Variants in EXOG observed in about 807,000 individuals in gnomAD.
The protein encoded by EXOG is exo/endonuclease G, also known as nuclease EXOG, mitochondrial.
In EXOG, 27 loss-of-function variants were observed where a neutral mutation model predicts 25.8. That is an observed-to-expected ratio of 1.05 (90% CI 0.77 to 1.45). EXOG has a LOEUF of 1.45. EXOG is among the 40% of genes most tolerant of loss of function. The pLI is 0.00. For synonymous variants in EXOG, 133 were observed against 167.0 expected (o/e 0.80, Z 1.57); for missense variants, 458 against 450.5 (o/e 1.02, Z -0.15).
Position 38,523,898 on chromosome 3 carries a change from T to C in EXOG, c.646-3T>C. ...ATCACTAATATGGCTGCTTTGTTTT[T>C]AGGTGATTGGCGAGGACAACGTGGC... On this transcript the variant is annotated splice_region_variant and splice_polypyrimidine_tract_variant and intron_variant, in intron 5 of 5. Coordinates refer to ENST00000287675, the MANE Select transcript of EXOG (RefSeq NM_005107.4). 6.6e-7 allele frequency: 1 copy of C among 1,523,958 alleles called. No homozygotes were observed. The highest frequency in any genetic ancestry group is 8.8e-7 in the Non-Finnish European group (1 of 1,137,044). 94.4% of individuals were successfully genotyped at this position (1,523,958 alleles called of 1,614,324 possible).
At chr3:38,504,513 A>G (rs938140585) in intron 4 of EXOG, among the ~76,000 whole-genome samples, 1 of 151,946 alleles carries the variant, frequency 6.6e-6, no homozygotes, top group Non-Finnish European at 1.5e-5. Context: ...TCGGCTCACT[A>G]CAACCTCCGC....
chr3:38,503,786 G>T, intron 4 of EXOG, 95 bp downstream of exon 4: 1 of 749,140 alleles, frequency 1.3e-6, no homozygotes, highest in East Asian at 2.6e-5. Context: ...TTCTGTCTTT[G>T]TTTTTCAAAA....
chr3:38,497,141 C>T, intron 1 of EXOG: 1 of 1,002,360 alleles, frequency 1.0e-6, no homozygotes, highest in Non-Finnish European at 1.2e-6. Context: ...ATTTAACTTG[C>T]TCCTTTGGAT....
chr3:38,498,789 A>G (rs1377488728), intron 2 of EXOG: 3 of 375,206 alleles, frequency 8.0e-6, no homozygotes, highest in Non-Finnish European at 1.6e-5. Flanking sequence ...GTGCCAGTAG[A>G]TGAATGAGGG....
At chr3:38,507,085 A>G (rs970183071) in intron 5 of EXOG, 117 bp downstream of exon 5, 2 of 510,616 alleles carry the variant, frequency 3.9e-6, no homozygotes, top group Non-Finnish European at 7.0e-6. Flanking sequence ...TCTACTTTTT[A>G]ATTTCACTTA....
chr3:38,516,820 T>G (rs2060559455), intron 5 of EXOG, among the ~76,000 whole-genome samples: 1 of 152,218 alleles, frequency 6.6e-6, no homozygotes, highest in African/African-American at 2.4e-5. Flanking sequence ...TATTTTTGAA[T>G]AGTACGGGCC....
chr3:38,499,823 G>C, intron 2 of EXOG: 2 of 373,836 alleles, frequency 5.3e-6, no homozygotes, highest in East Asian at 1.5e-4. Flanking sequence ...CAGCAGCATA[G>C]TGGCGAATTG....
rs2125809211 is a variant in EXOG, at chr3:38,524,173, G to A, written c.918G>A (p.Glu306=). ...CCTGTAAGCTCCTGGATTTCCAGGAGTTCACCTTGTACTTGAGTACAAGAA... is the reference window on the plus strand; with the variant it reads ...CCTGTAAGCTCCTGGATTTCCAGGAATTCACCTTGTACTTGAGTACAAGAA... ...VDTCKLLDFQ[E]FTLYLSTRKI... The change falls in exon 6 of 6, where the codon GAG becomes GAA. Residue 306 remains glutamate, a synonymous_variant. Coordinates refer to ENST00000287675, the MANE Select transcript of EXOG (RefSeq NM_005107.4). 1.2e-6 allele frequency: 2 copies of A among 1,614,194 alleles called. No homozygotes were observed.
intron 4 of EXOG, among the ~76,000 whole-genome samples, chr3:38,506,563 G>A (rs1167834058): frequency 6.6e-6 from 1 of 152,156 alleles, no homozygotes; most frequent in Admixed American, 6.5e-5. Context: ...GGGAACTATG[G>A]CATAAAAAAA....
intron 5 of EXOG, among the ~76,000 whole-genome samples, chr3:38,517,998 T>C (rs2060600136): frequency 6.6e-6 from 1 of 152,214 alleles, no homozygotes; most frequent in African/African-American, 2.4e-5. Context: ...GTGTATCTGT[T>C]AGATGAAAGC....
rs2060840430 is a variant in EXOG at position 38,525,129 on chromosome 3, A to G, written c.*767A>G. The G allele has an allele frequency of 1.1e-6, 1 of 931,408 alleles. No individual in the cohort carries two copies. Among genetic ancestry groups the G allele is most frequent in the South Asian group, 5.0e-5 (1 of 20,122 alleles). The allele number at this position is 931,408 out of a possible 1,614,324, so 57.7% of individuals were successfully genotyped here. On this transcript the variant is annotated 3_prime_UTR_variant, in exon 6 of 6. Transcript: ENST00000287675. ...TAAATGTGTTCTATATACTAGGCTC[A>G]GTGCTTTACATGTGTTGTCTCACAA...
rs1033481832 is a variant in EXOG at position 38,524,041 on chromosome 3, A to G, written c.786A>G (p.Leu262=). 2 of 1,614,212 alleles carry G rather than the reference A, an allele frequency of 1.2e-6. No homozygotes were observed. The highest frequency in any genetic ancestry group is 1.6e-4 in the Middle Eastern group (1 of 6,062). ...AAGCCATCGGCTTCCAGCCCCAGTT[A>G]ACTGAATTCCAAGTGAGCCTCCAGG... ...PNEAIGFQPQ[L]TEFQVSLQDL... The change falls in exon 6 of 6, where the codon TTA becomes TTG. Residue 262 remains leucine (L), a synonymous_variant. Coordinates refer to ENST00000287675, the MANE Select transcript of EXOG (RefSeq NM_005107.4).
chr3:38,509,322 T>C (rs2060298752), intron 5 of EXOG, among the ~76,000 whole-genome samples: 1 of 152,186 alleles, frequency 6.6e-6, no homozygotes, highest in African/African-American at 2.4e-5. Flanking sequence ...AAACGAAAAA[T>C]TAACCAATAA....
At chr3:38,506,439 A>G (rs947258795) in intron 4 of EXOG, among the ~76,000 whole-genome samples, 1 of 152,258 alleles carries the variant, frequency 6.6e-6, no homozygotes, top group Non-Finnish European at 1.5e-5. Context: ...AGGAATTGAT[A>G]CAACGTTGCA....
chr3:38,499,901 C>T lies in EXOG; in HGVS notation c.314-1454C>T, dbSNP rs547738624. 2.6e-5 allele frequency among the ~76,000 whole-genome samples: 4 copies of T among 152,282 alleles called. No homozygotes were observed. In the South Asian group the frequency reaches 8.3e-4, roughly 32 times the overall value. On this transcript the variant is annotated intron_variant, in intron 2 of 5. Transcript: ENST00000287675. ...AAGCGCAGTCTTGGCAAACCAAAAC[C>T]ACATTTGCCTTTGAATTCACAGCAT...
chr3:38,507,026 C>A, intron 5 of EXOG, 58 bp downstream of exon 5: 2 of 747,270 alleles, frequency 2.7e-6, no homozygotes, highest in Non-Finnish European at 4.5e-6. Flanking sequence ...ATCTCACTTT[C>A]CATTCTGCTT....
intron 5 of EXOG, among the ~76,000 whole-genome samples, chr3:38,510,751 A>G (rs1197738578): frequency 2.0e-5 from 3 of 151,518 alleles, no homozygotes; most frequent in Non-Finnish European, 4.4e-5. Flanking sequence ...CAGTGAAATG[A>G]TACTCAAACA....
intron 2 of EXOG, chr3:38,498,985 C>G: frequency 2.2e-6 from 1 of 456,688 alleles, no homozygotes; most frequent in African/African-American, 2.0e-5. Flanking sequence ...CAACCTTCAC[C>G]TATGGTGAGC....
In EXOG at chr3:38,496,966, TTAG is replaced by T. The variant is rs1313035361; in HGVS notation, c.163+440_163+442del. 6.4e-6 allele frequency: 7 copies of T among 1,101,476 alleles called. No homozygotes were observed. The African/African-American group carries it at 1.2e-4, about 19-fold the overall frequency. The allele number at this position is 1,101,476 out of a possible 1,614,324, so 68.2% of individuals were successfully genotyped here. The stretch of plus-strand genomic sequence containing the variant: ...TGAAGGAATAAATTAATACATAATT[TTAG>T]TAGATGAGTTAACTGCCCTTCTTTC... On this transcript the variant is annotated intron_variant, in intron 1 of 5. Transcript: ENST00000287675.
Sources: gnomAD v4.1 joint callset for allele counts (sites outside exome capture counted in the v4.1 genomes callset) on GRCh38, gnomAD v4.1.1 for gene constraint, MANE v1.5 for transcripts, NCBI Gene and HGNC (gene_info 2026-07-23, HGNC 2026-07-21) for gene names.